POPDC1: variants seen among roughly 807,000 people sequenced by gnomAD.
The protein encoded by POPDC1 is popeye domain cAMP effector 1, also known as popeye domain-containing protein 1.
the POPDC1 span, among the ~76,000 whole-genome samples, chr6:105,119,600 T>C: frequency 3.9e-5 from 6 of 152,310 alleles, no homozygotes; most frequent in Non-Finnish European, 8.8e-5. Flanking sequence ...GGCCCAGCCA[T>C]GCACCTAAGT....
At chr6:105,128,524 T>C in the POPDC1 span, among the ~76,000 whole-genome samples, 2 of 152,224 alleles carry the variant, frequency 1.3e-5, no homozygotes, top group Non-Finnish European at 2.9e-5. Context: ...TTTGCTGTTA[T>C]ATATCATTGA....
the POPDC1 span, among the ~76,000 whole-genome samples, chr6:105,124,036 CATT>C: frequency 8.3e-4 from 126 of 152,144 alleles, no homozygotes; most frequent in African/African-American, 2.9e-3. Context: ...CTAGAAATAA[CATT>C]ATGACAAAAT....
chr6:105,124,620 T>C, the POPDC1 span: 1 of 1,612,516 alleles, frequency 6.2e-7, no homozygotes, highest in Non-Finnish European at 8.5e-7. Flanking sequence ...GGGGTAAATG[T>C]TATGCAGAAA....
the POPDC1 span, chr6:105,098,341 T>A: frequency 3.9e-5 from 6 of 152,198 alleles, no homozygotes; most frequent in African/African-American, 1.2e-4. Flanking sequence ...AGGTGTGTGT[T>A]TAAAAATAGT....
the POPDC1 span, among the ~76,000 whole-genome samples, chr6:105,111,714 C>T: frequency 2.0e-5 from 3 of 152,160 alleles, no homozygotes; most frequent in African/African-American, 7.2e-5. Flanking sequence ...GGAGTAGAGA[C>T]CTTGCTGTGG....
chr6:105,124,799 T>A, the POPDC1 span: 1 of 635,660 alleles, frequency 1.6e-6, no homozygotes, highest in Non-Finnish European at 2.7e-6. Flanking sequence ...TAAAAGCACT[T>A]CTTGAGGCAC....
chr6:105,126,494 G>A, the POPDC1 span, among the ~76,000 whole-genome samples: 5 of 151,530 alleles, frequency 3.3e-5, no homozygotes, highest in African/African-American at 4.8e-5. Flanking sequence ...GGGAAGATCC[G>A]CACTATTCAT....
the POPDC1 span, among the ~76,000 whole-genome samples, chr6:105,128,927 CA>C: frequency 6.6e-6 from 1 of 151,964 alleles, no homozygotes; most frequent in Non-Finnish European, 1.5e-5. Context: ...AGCAACCCAC[CA>C]AATATGGTGA....
chr6:105,114,042 AG>A, the POPDC1 span, among the ~76,000 whole-genome samples: 1 of 152,186 alleles, frequency 6.6e-6, no homozygotes, highest in Non-Finnish European at 1.5e-5. Flanking sequence ...AAATATTAAA[AG>A]GAAAACAACA....
At chr6:105,107,804 T>C in the POPDC1 span, among the ~76,000 whole-genome samples, 21 of 152,230 alleles carry the variant, frequency 1.4e-4, no homozygotes, top group African/African-American at 4.8e-4. Flanking sequence ...AAGGATTTAA[T>C]GGCTTTTTTT....
chr6:105,117,212 C>A, the POPDC1 span, among the ~76,000 whole-genome samples: 16 of 152,222 alleles, frequency 1.1e-4, no homozygotes, highest in African/African-American at 3.6e-4. Context: ...TGAAATATTT[C>A]TTTACACCCT....
At chr6:105,128,912 T>C in the POPDC1 span, among the ~76,000 whole-genome samples, 1 of 152,176 alleles carries the variant, frequency 6.6e-6, no homozygotes, top group African/African-American at 2.4e-5. Flanking sequence ...GACTGGTGTT[T>C]TGGTAGCAAC....
At chr6:105,133,558 C>T in the POPDC1 span, 1 of 1,611,220 alleles carries the variant, frequency 6.2e-7, no homozygotes, top group Non-Finnish European at 8.5e-7. Context: ...TCTCAATGGG[C>T]TGGACTCTGT....
chr6:105,103,419 G>A, the POPDC1 span, among the ~76,000 whole-genome samples: 3 of 151,934 alleles, frequency 2.0e-5, no homozygotes, highest in African/African-American at 7.3e-5. Context: ...GCTCAAATGT[G>A]GGTTTGTGTT....
the POPDC1 span, chr6:105,098,217 C>T: frequency 1.4e-4 from 21 of 152,288 alleles, no homozygotes; most frequent in African/African-American, 5.1e-4. Flanking sequence ...TACACTTATT[C>T]ATTTGTATAA....
chr6:105,100,617 T>TATAC, the POPDC1 span: 3 of 149,756 alleles, frequency 2.0e-5, no homozygotes, highest in Non-Finnish European at 4.4e-5. Context: ...TGTGTATATA[T>TATAC]GGAATAAAGT....
At chr6:105,117,605 A>G in the POPDC1 span, among the ~76,000 whole-genome samples, 1 of 152,312 alleles carries the variant, frequency 6.6e-6, no homozygotes, top group Non-Finnish European at 1.5e-5. Flanking sequence ...GTGAGGGGCC[A>G]TGCCCTCACC....
At chr6:105,115,270 A>G in the POPDC1 span, among the ~76,000 whole-genome samples, 1 of 152,114 alleles carries the variant, frequency 6.6e-6, no homozygotes, top group Non-Finnish European at 1.5e-5. Flanking sequence ...TTGTATTTTT[A>G]GTAGAGACGG....
the POPDC1 span, chr6:105,115,542 A>C: frequency 9.5e-7 from 1 of 1,051,102 alleles, no homozygotes; most frequent in East Asian, 2.6e-5. Flanking sequence ...TGCTAAACAA[A>C]ATTTGATTGT....
Sources: allele counts gnomAD v4.1 joint callset (sites outside exome capture counted in the v4.1 genomes callset), GRCh38; gene constraint gnomAD v4.1.1; transcripts MANE v1.5; gene names NCBI Gene and HGNC (gene_info 2026-07-23, HGNC 2026-07-21).